TGFBRAP1: variants seen among roughly 807,000 people sequenced by gnomAD.
TGFBRAP1 encodes transforming growth factor beta receptor associated protein 1.
Under a neutral mutation model 83.2 loss-of-function variants are expected in TGFBRAP1, and 20 were observed. That is an observed-to-expected ratio of 0.24 (90% confidence interval 0.17 to 0.35). TGFBRAP1 has a LOEUF of 0.35. TGFBRAP1 is among the 10% of genes least tolerant of loss of function. The pLI is 1.00. For synonymous variants in TGFBRAP1, 415 were observed against 459.8 expected (o/e 0.90, Z 1.25); for missense variants, 950 against 1,099.4 (o/e 0.86, Z 1.92).
chr2:105,307,309 A>G (rs1678534826), intron 2 of TGFBRAP1, among the ~76,000 whole-genome samples: 1 of 152,112 alleles, frequency 6.6e-6, no homozygotes, highest in Non-Finnish European at 1.5e-5. Flanking sequence ...CTCTTGGCCA[A>G]AATCTTTCTC....
chr2:105,326,240 A>G (rs1679223785), intron 1 of TGFBRAP1, among the ~76,000 whole-genome samples: 1 of 152,338 alleles, frequency 6.6e-6, no homozygotes, highest in Middle Eastern at 3.4e-3. Flanking sequence ...ATACATATGC[A>G]TAAGGGTGTA....
chr2:105,281,101 C>T (rs1020063), intron 5 of TGFBRAP1, among the ~76,000 whole-genome samples: 23,558 of 152,224 alleles, frequency 0.15, 2,291 homozygotes, highest in South Asian at 0.24. Context: ...CACAGCTCTG[C>T]TGAAACCAGC....
chr2:105,321,799 G>A lies in TGFBRAP1; in HGVS notation c.-18+7826C>T, dbSNP rs79488953. Among the ~76,000 whole-genome samples the A allele has an allele frequency of 8.2e-3, 1,242 of 152,266 alleles. 18 individuals carry two copies. The highest frequency in any genetic ancestry group is 0.029 in the African/African-American group (1,192 of 41,542). On this transcript the variant is annotated intron_variant, in intron 1 of 11. Coordinates refer to ENST00000393359, the MANE Select transcript of TGFBRAP1 (RefSeq NM_004257.6). ...ATCACTCATGTGTGGTGTTGCTGGC[G>A]TACACTAACCTACTGCAGTGCCAGT...
At chr2:105,301,403 G>A (rs989270508) in intron 2 of TGFBRAP1, among the ~76,000 whole-genome samples, 15 of 151,986 alleles carry the variant, frequency 9.9e-5, no homozygotes, top group Non-Finnish European at 2.1e-4. Flanking sequence ...TGGCCAACAT[G>A]CTGAAACCCT....
intron 2 of TGFBRAP1, among the ~76,000 whole-genome samples, chr2:105,304,177 G>A (rs1300739527): frequency 1.3e-5 from 2 of 152,098 alleles, no homozygotes; most frequent in Non-Finnish European, 2.9e-5. Context: ...GTTTTCTTAG[G>A]TATCTGTAAC....
chr2:105,318,790 A>G (rs1378754521), intron 1 of TGFBRAP1, among the ~76,000 whole-genome samples: 1 of 152,174 alleles, frequency 6.6e-6, no homozygotes, highest in Non-Finnish European at 1.5e-5. Flanking sequence ...CATGTGGTAG[A>G]TGGCTCAGGG....
chr2:105,278,375 A>C (rs550819195), intron 6 of TGFBRAP1, among the ~76,000 whole-genome samples: 1 of 152,272 alleles, frequency 6.6e-6, no homozygotes, highest in Admixed American at 6.5e-5. Context: ...ACTTTGCCTA[A>C]GCAGAGACTG....
At position 105,298,647 on chromosome 2, in the gene TGFBRAP1, A is replaced by T; in HGVS notation, c.747T>A (p.Asn249Lys). The T allele has an allele frequency of 6.2e-7, 1 of 1,613,992 alleles. No individual in the cohort carries two copies. Among genetic ancestry groups the T allele is most frequent in the African/African-American group, 1.3e-5 (1 of 75,040 alleles). The change falls in exon 3 of 12, where the codon AAT becomes AAA. Residue 249 changes from asparagine to lysine, a missense_variant. Coordinates refer to ENST00000393359, the MANE Select transcript of TGFBRAP1 (RefSeq NM_004257.6). Reference sequence around the variant, plus strand: ...GAAAGGACACAGCCGCCCCAATCACATTCTCCGACCAGTGCACGGGGGCGC... The same window carrying T: ...GAAAGGACACAGCCGCCCCAATCACTTTCTCCGACCAGTGCACGGGGGCGC... ...SQRAPVHWSENVIGAAVSFPY... is the reference protein window; with the variant it reads ...SQRAPVHWSEKVIGAAVSFPY...
At chr2:105,281,267 T>A (rs1445774452) in intron 5 of TGFBRAP1, among the ~76,000 whole-genome samples, 1 of 152,234 alleles carries the variant, frequency 6.6e-6, no homozygotes, top group African/African-American at 2.4e-5. Context: ...TCGTAGAATT[T>A]CAGAGCCTAA....
intron 3 of TGFBRAP1, among the ~76,000 whole-genome samples, chr2:105,297,675 T>C (rs1678132283): frequency 6.6e-6 from 1 of 152,224 alleles, no homozygotes; most frequent in Non-Finnish European, 1.5e-5. Context: ...GAAATCTGAA[T>C]ATTGGCAGGA....
chr2:105,292,327 G>A (rs1677941962), intron 4 of TGFBRAP1, among the ~76,000 whole-genome samples: 3 of 152,214 alleles, frequency 2.0e-5, no homozygotes, highest in Non-Finnish European at 2.9e-5. Context: ...CTTGCTGACT[G>A]CCTTCCGGGT....
intron 1 of TGFBRAP1, among the ~76,000 whole-genome samples, chr2:105,325,283 G>C (rs1679192451): frequency 6.6e-6 from 1 of 152,138 alleles, no homozygotes; most frequent in African/African-American, 2.4e-5. Flanking sequence ...TGCCCCCTCA[G>C]GAGAGCCCCA....
Position 105,272,858 on chromosome 2 carries a change from G to T in TGFBRAP1, c.1969C>A (p.Leu657Ile). Residue 657 changes from leucine (L) to isoleucine (I), a missense_variant, in exon 10 of 12, where the codon CTC (leucine) becomes ATC (isoleucine). By Grantham distance (5) the Leu-to-Ile change is conservative. Coordinates refer to ENST00000393359, the MANE Select transcript of TGFBRAP1 (RefSeq NM_004257.6). ...KSDLYRVHFL[L>I]ERLQGAGLPM... is the part of the protein sequence containing the mutation. The stretch of plus-strand genomic sequence containing the variant: ...ACAATACTGAGATCATCCTCACCGA[G>T]AAGAAAGTGGACTCGGTATAAATCA... The T allele has an allele frequency of 6.2e-7, 1 of 1,607,142 alleles. No homozygotes were observed.
At chr2:105,307,202 C>T (rs192775795) in intron 2 of TGFBRAP1, among the ~76,000 whole-genome samples, 8 of 152,090 alleles carry the variant, frequency 5.3e-5, no homozygotes, top group African/African-American at 1.7e-4. Context: ...TCTCAGCATC[C>T]CACTCTGCCT....
intron 3 of TGFBRAP1, among the ~76,000 whole-genome samples, chr2:105,298,177 A>C (rs1374282446): frequency 6.6e-6 from 1 of 152,076 alleles, no homozygotes; most frequent in East Asian, 1.9e-4. Context: ...TACACACAAC[A>C]TCTGCTTGGC....
intron 2 of TGFBRAP1, among the ~76,000 whole-genome samples, chr2:105,300,875 G>A (rs1253915789): frequency 2.0e-5 from 3 of 152,160 alleles, no homozygotes; most frequent in Non-Finnish European, 2.9e-5. Context: ...CATCAGTGAG[G>A]AAAAGATAGA....
At chr2:105,323,669 A>T (rs182937762) in intron 1 of TGFBRAP1, among the ~76,000 whole-genome samples, 1 of 152,164 alleles carries the variant, frequency 6.6e-6, no homozygotes, top group African/African-American at 2.4e-5. Context: ...CTTCAGATGC[A>T]GTGTTTGTGC....
At chr2:105,283,044 A>G (rs1677596745) in intron 5 of TGFBRAP1, among the ~76,000 whole-genome samples, 1 of 152,196 alleles carries the variant, frequency 6.6e-6, no homozygotes, top group Non-Finnish European at 1.5e-5. Context: ...CCATAAGAGA[A>G]AGAAGACACC....
At chr2:105,268,157 A>G (rs1364395452) in intron 11 of TGFBRAP1, among the ~76,000 whole-genome samples, 2 of 152,194 alleles carry the variant, frequency 1.3e-5, no homozygotes, top group African/African-American at 4.8e-5. Context: ...ACTCGTGTCA[A>G]CCGAGGCAGG....
Sources: gnomAD v4.1 joint callset for allele counts (sites outside exome capture counted in the v4.1 genomes callset) on GRCh38, gnomAD v4.1.1 for gene constraint, MANE v1.5 for transcripts, NCBI Gene and HGNC (gene_info 2026-07-23, HGNC 2026-07-21) for gene names.